Variants in CACNA2D3 observed in about 807,000 individuals in gnomAD.
CACNA2D3 encodes voltage-dependent calcium channel subunit alpha-2/delta-3.
Under a neutral mutation model 160.6 loss-of-function variants are expected in CACNA2D3, and 60 were observed. The ratio of observed to expected loss-of-function variants is 0.37; its 90% CI spans 0.30 to 0.46. The LOEUF is 0.46. Among genes scored for constraint, CACNA2D3 ranks in the 20% least tolerant of loss-of-function variants. The probability of loss-of-function intolerance (pLI) is 1.00; values close to 1 mark genes in which losing one functional copy is unlikely to be tolerated. For missense variants in CACNA2D3, 1,205 were observed against 1,365.0 expected (o/e 0.88, Z 1.85); for synonymous variants, 558 against 492.9 (o/e 1.13, Z -1.75).
chr3:54,409,030 A>C (rs1575439604), intron 4 of CACNA2D3, among the ~76,000 whole-genome samples: 1 of 152,176 alleles, frequency 6.6e-6, no homozygotes, highest in East Asian at 1.9e-4. Flanking sequence ...TGCAACCTTT[A>C]TTCATTTATG....
Position 54,570,181 on chromosome 3 carries a change from C to T in CACNA2D3, c.888+77C>T, listed in dbSNP as rs554525616. On this transcript the variant is annotated intron_variant, in intron 8 of 37. Transcript: ENST00000474759. Reference sequence around the variant, plus strand: ...GGTAGTGACTGGTTAACATTGCTCTCGCTGTTAGATCCAGAGCATCTAGAT... The same window carrying T: ...GGTAGTGACTGGTTAACATTGCTCTTGCTGTTAGATCCAGAGCATCTAGAT... 1.1e-4 allele frequency: 156 copies of T among 1,414,360 alleles called. No individual in the cohort carries two copies. The South Asian group carries it at 1.8e-3, about 16-fold the overall frequency. 87.6% of individuals were successfully genotyped at this position (1,414,360 alleles called of 1,614,324 possible). A position where few individuals can be genotyped will look rare whatever the true frequency, so the allele number is the denominator to read the frequency against.
intron 11 of CACNA2D3, among the ~76,000 whole-genome samples, chr3:54,655,342 AT>A (rs1258118123): frequency 6.6e-6 from 1 of 152,212 alleles, no homozygotes; most frequent in Non-Finnish European, 1.5e-5. Context: ...ATTAAACAAA[AT>A]GTTGCGCTCC....
At chr3:54,353,990 G>C (rs1164530916) in intron 3 of CACNA2D3, among the ~76,000 whole-genome samples, 1 of 152,102 alleles carries the variant, frequency 6.6e-6, no homozygotes, top group Non-Finnish European at 1.5e-5. Context: ...TCTTTGTGTA[G>C]CTTTGGCCAT....
At chr3:54,338,499 G>GTA (rs1378725349) in intron 3 of CACNA2D3, among the ~76,000 whole-genome samples, 1 of 151,348 alleles carries the variant, frequency 6.6e-6, no homozygotes, top group Non-Finnish European at 1.5e-5. Flanking sequence ...GTGTGTGTGT[G>GTA]TGTGTGTGTG....
chr3:54,434,006 T>C (rs7652529), intron 4 of CACNA2D3, among the ~76,000 whole-genome samples: 125,665 of 152,206 alleles, frequency 0.83, 52,063 homozygotes, highest in African/African-American at 0.87. Flanking sequence ...GAGCTAATCG[T>C]TCCTTGCCTG....
intron 5 of CACNA2D3, among the ~76,000 whole-genome samples, chr3:54,513,812 C>T (rs1701498859): frequency 6.6e-6 from 1 of 152,180 alleles, no homozygotes; most frequent in African/African-American, 2.4e-5. Context: ...CCCCAAGTAG[C>T]TGGGTTTACA....
At chr3:55,067,101 C>CGGGG (rs569501820) in intron 35 of CACNA2D3, among the ~76,000 whole-genome samples, 41 of 150,426 alleles carry the variant, frequency 2.7e-4, no homozygotes, top group African/African-American at 9.8e-4. Context: ...TCTTTTGTAG[C>CGGGG]GGGGGGGGCT....
chr3:54,868,956 CT>C (rs1375695772), intron 17 of CACNA2D3, among the ~76,000 whole-genome samples: 3 of 152,188 alleles, frequency 2.0e-5, no homozygotes, highest in African/African-American at 7.2e-5. Flanking sequence ...TACTCTCAAC[CT>C]TTCTTTGCCA....
At chr3:54,842,694 A>G (rs2106767695) in intron 16 of CACNA2D3, among the ~76,000 whole-genome samples, 1 of 148,978 alleles carries the variant, frequency 6.7e-6, no homozygotes, top group South Asian at 2.1e-4. Flanking sequence ...TCTGCCTTCC[A>G]GGTTCAAGCA....
chr3:54,524,776 CTATT>C (rs547380608), intron 5 of CACNA2D3, among the ~76,000 whole-genome samples: 33 of 152,054 alleles, frequency 2.2e-4, no homozygotes, highest in African/African-American at 6.0e-4. Flanking sequence ...GTTTTAAAAT[CTATT>C]TGTCTCATAT....
intron 4 of CACNA2D3, among the ~76,000 whole-genome samples, chr3:54,492,400 G>GA (rs1701124470): frequency 6.6e-6 from 1 of 152,202 alleles, no homozygotes; most frequent in South Asian, 2.1e-4. Context: ...ATCTGTGACA[G>GA]AAGCTGTGCA....
At chr3:54,526,923 T>A (rs1197413605) in intron 5 of CACNA2D3, among the ~76,000 whole-genome samples, 1 of 152,230 alleles carries the variant, frequency 6.6e-6, no homozygotes, top group East Asian at 1.9e-4. Flanking sequence ...ACTGCTGATC[T>A]CAGGTGATCT....
intron 4 of CACNA2D3, among the ~76,000 whole-genome samples, chr3:54,394,143 G>A (rs575707244): frequency 3.1e-4 from 47 of 152,066 alleles, no homozygotes; most frequent in African/African-American, 1.0e-3. Flanking sequence ...GGCTCAAATC[G>A]TCAGAGCACC....
At position 54,360,560 on chromosome 3, in the gene CACNA2D3, CTT is replaced by C. The variant is rs1698724630; in HGVS notation, c.322-26154_322-26153del. 3.3e-5 allele frequency among the ~76,000 whole-genome samples: 5 copies of C among 152,118 alleles called. No homozygotes were observed. The South Asian group carries it at 1.0e-3, about 32-fold the overall frequency. On this transcript the variant is annotated intron_variant, in intron 3 of 37. Transcript: ENST00000474759. Reference sequence around the variant, plus strand: ...GCCACCTTGTCCTGAGTTTTGGGCACTTAAGCTATCAATCGTTACCTTTGGTC... The same window carrying C: ...GCCACCTTGTCCTGAGTTTTGGGCACAAGCTATCAATCGTTACCTTTGGTC...
chr3:54,229,354 G>A (rs1701729786), intron 2 of CACNA2D3, among the ~76,000 whole-genome samples: 2 of 152,100 alleles, frequency 1.3e-5, no homozygotes, highest in South Asian at 4.1e-4. Flanking sequence ...ACCATGCCCG[G>A]CTGATTTTTG....
In CACNA2D3 at chr3:54,561,705, C is replaced by T. The variant is rs117746600; in HGVS notation, c.545-1095C>T. Among the ~76,000 whole-genome samples the T allele has an allele frequency of 2.4e-3, 364 of 152,276 alleles. 8 individuals are homozygous for T. In the East Asian group the frequency reaches 0.046, roughly 19 times the overall value. On this transcript the variant is annotated intron_variant, in intron 5 of 37. Transcript: ENST00000474759. ...ACCATAGGTGAGGAAAAGAGATTTG[C>T]TCATGGGATTCCATGGCAGAAGAGC... is the stretch of plus-strand genomic sequence containing the variant.
chr3:54,384,658 C>CT (rs1042042353), intron 3 of CACNA2D3, among the ~76,000 whole-genome samples: 7 of 152,066 alleles, frequency 4.6e-5, no homozygotes, highest in Middle Eastern at 3.4e-3. Flanking sequence ...CATCTTATGT[C>CT]TTTTTTTTCT....
At chr3:54,997,946 C>G (rs1253535150) in intron 31 of CACNA2D3, among the ~76,000 whole-genome samples, 1 of 152,114 alleles carries the variant, frequency 6.6e-6, no homozygotes, top group Non-Finnish European at 1.5e-5. Context: ...GTTTGGGAAG[C>G]AGTTTAAGTG....
At chr3:54,626,479 G>C (rs1289388306) in intron 9 of CACNA2D3, 2 of 1,605,892 alleles carry the variant, frequency 1.2e-6, no homozygotes, top group African/African-American at 2.7e-5. Flanking sequence ...GCCCGAGATG[G>C]TGGGCAGCAT....
Sources: allele counts gnomAD v4.1 joint callset (sites outside exome capture counted in the v4.1 genomes callset), GRCh38; gene constraint gnomAD v4.1.1; transcripts MANE v1.5; gene names NCBI Gene and HGNC (gene_info 2026-07-23, HGNC 2026-07-21).